Variants in EIF3H observed in about 807,000 individuals in gnomAD.
EIF3H encodes the protein eIF-3-gamma.
In EIF3H, 26 loss-of-function variants were observed where a neutral mutation model predicts 44.2. The ratio of observed to expected loss-of-function variants is 0.59; its 90% CI spans 0.43 to 0.82. EIF3H has a LOEUF of 0.82. Ranked by LOEUF, EIF3H falls within the 40% of genes least tolerant of loss-of-function variation. The probability of loss-of-function intolerance (pLI) is 0.00; values close to 1 mark genes in which losing one functional copy is unlikely to be tolerated. For missense variants in EIF3H, 359 were observed against 432.8 expected (o/e 0.83, Z 1.51); for synonymous variants, 166 against 151.9 (o/e 1.09, Z -0.68).
intron 1 of EIF3H, among the ~76,000 whole-genome samples, chr8:116,750,178 T>G (rs1563661915): frequency 6.6e-6 from 1 of 152,286 alleles, no homozygotes; most frequent in African/African-American, 2.4e-5. Flanking sequence ...CAATAAATAT[T>G]TGTTAAATGA....
intron 5 of EIF3H, among the ~76,000 whole-genome samples, chr8:116,654,394 T>C (rs1813453071): frequency 2.0e-5 from 3 of 152,342 alleles, no homozygotes; most frequent in Admixed American, 1.3e-4. Context: ...GATGTATTTC[T>C]TTTGTATGCT....
intron 1 of EIF3H, among the ~76,000 whole-genome samples, chr8:116,730,794 T>C (rs1372888790): frequency 1.3e-5 from 2 of 152,204 alleles, no homozygotes; most frequent in Non-Finnish European, 2.9e-5. Context: ...TATATTTTGC[T>C]GAAGGAATGA....
intron 2 of EIF3H, among the ~76,000 whole-genome samples, chr8:116,678,003 C>CCCACGGTCTCCTT (rs978881284): frequency 2.0e-5 from 3 of 152,212 alleles, no homozygotes; most frequent in African/African-American, 4.8e-5. Context: ...TCTCCCCCTT[C>CCCACGGTCTCCTT]CCACGGTCTC....
intron 4 of EIF3H, 137 bp from the exon 5 acceptor site, chr8:116,656,142 G>A: frequency 1.3e-5 from 9 of 675,624 alleles, no homozygotes; most frequent in Non-Finnish European, 1.6e-5. Context: ...AAAAAAAGTA[G>A]AGAAACTGGA....
At chr8:116,750,573 C>G (rs1271599083) in intron 1 of EIF3H, among the ~76,000 whole-genome samples, 1 of 152,000 alleles carries the variant, frequency 6.6e-6, no homozygotes, top group Non-Finnish European at 1.5e-5. Flanking sequence ...CCACGCCCGA[C>G]TAATTTTTTG....
Position 116,755,669 on chromosome 8 carries a change from G to A in EIF3H, c.129C>T (p.Gly43=). ...DSAVKQVQID[G]LVVLKIIKHY... is the part of the protein sequence containing the mutation. Reference sequence around the variant, plus strand: ...GAGGAAAAAGAACAGCACTCACAAGGCCATCTATCTGCACTTGCTTCACGG... The same window carrying A: ...GAGGAAAAAGAACAGCACTCACAAGACCATCTATCTGCACTTGCTTCACGG... The change falls in exon 1 of 8, where the codon GGC becomes GGT. Residue 43 remains glycine, a synonymous_variant. Coordinates refer to ENST00000521861, the MANE Select transcript of EIF3H (RefSeq NM_003756.3). 2 of 1,614,070 alleles carry A rather than the reference G, an allele frequency of 1.2e-6. No homozygotes were observed. The highest frequency in any genetic ancestry group is 1.7e-6 in the Non-Finnish European group (2 of 1,180,016).
At chr8:116,755,919 G>A, upstream of EIF3H, 1 of 1,543,752 alleles carries the variant, frequency 6.5e-7, no homozygotes, top group Non-Finnish European at 8.7e-7. Context: ...AGCCAAAATT[G>A]GGCCCCGCCT....
At chr8:116,709,846 G>T (rs1237157316) in intron 2 of EIF3H, among the ~76,000 whole-genome samples, 1 of 152,144 alleles carries the variant, frequency 6.6e-6, no homozygotes, top group Non-Finnish European at 1.5e-5. Context: ...ATAAGAAAAG[G>T]GTAGCGTGAT....
chr8:116,737,982 C>T (rs941574986), intron 1 of EIF3H, among the ~76,000 whole-genome samples: 1 of 149,314 alleles, frequency 6.7e-6, no homozygotes, highest in African/African-American at 2.5e-5. Flanking sequence ...TTGCAATGAG[C>T]CGAGATCGCA....
intron 2 of EIF3H, among the ~76,000 whole-genome samples, chr8:116,679,605 C>T (rs1291138027): frequency 2.3e-4 from 6 of 25,604 alleles, no homozygotes; most frequent in South Asian, 2.1e-3. Context: ...GCCCCCCGCC[C>T]GGCCAGCCGC....
chr8:116,760,985 T>C (rs890403478), intron 1 of EIF3H, among the ~76,000 whole-genome samples: 1 of 152,242 alleles, frequency 6.6e-6, no homozygotes, highest in Non-Finnish European at 1.5e-5. Flanking sequence ...ATTAATCTTC[T>C]AAAGTGCTTT....
chr8:116,740,615 T>A (rs7004009), intron 1 of EIF3H, among the ~76,000 whole-genome samples: 67,267 of 151,908 alleles, frequency 0.44, 18,740 homozygotes, highest in Non-Finnish European at 0.62. Flanking sequence ...CTCACTGCTG[T>A]CTTCTACTTG....
At chr8:116,651,726 C>T (rs1813397064) in intron 5 of EIF3H, among the ~76,000 whole-genome samples, 1 of 151,984 alleles carries the variant, frequency 6.6e-6, no homozygotes. Context: ...TCTGTTTTAC[C>T]CTAATTTCTA....
At chr8:116,646,378 T>C (rs1813298914) in intron 7 of EIF3H, 93 bp downstream of exon 7, 1 of 1,566,964 alleles carries the variant, frequency 6.4e-7, no homozygotes, top group Admixed American at 1.7e-5. Context: ...TACTAGCTTT[T>C]ACGGCATGCT....
At chr8:116,714,832 C>A (rs1047715189) in intron 2 of EIF3H, among the ~76,000 whole-genome samples, 1 of 151,986 alleles carries the variant, frequency 6.6e-6, no homozygotes, top group Non-Finnish European at 1.5e-5. Context: ...CACAAAATGT[C>A]CCCATCTGTC....
At chr8:116,733,144 T>C (rs1814979757) in intron 1 of EIF3H, among the ~76,000 whole-genome samples, 1 of 152,138 alleles carries the variant, frequency 6.6e-6, no homozygotes, top group Admixed American at 6.5e-5. Flanking sequence ...CTTACATTTA[T>C]CACTTTATTA....
At chr8:116,710,729 T>C (rs1186692778) in intron 2 of EIF3H, among the ~76,000 whole-genome samples, 1 of 152,244 alleles carries the variant, frequency 6.6e-6, no homozygotes, top group Non-Finnish European at 1.5e-5. Context: ...TAAATTGTGA[T>C]GGATTATATA....
intron 1 of EIF3H, among the ~76,000 whole-genome samples, chr8:116,752,413 C>G (rs1421185720): frequency 6.6e-6 from 1 of 151,918 alleles, no homozygotes; most frequent in Non-Finnish European, 1.5e-5. Flanking sequence ...TGAGTGTTTA[C>G]GATGACACAG....
chr8:116,707,280 CT>C (rs1814487536), intron 2 of EIF3H, among the ~76,000 whole-genome samples: 1 of 152,124 alleles, frequency 6.6e-6, no homozygotes, highest in Non-Finnish European at 1.5e-5. Flanking sequence ...AATGAATGTA[CT>C]TTTTAAATGG....
Sources: allele counts gnomAD v4.1 joint callset (sites outside exome capture counted in the v4.1 genomes callset), GRCh38; gene constraint gnomAD v4.1.1; transcripts MANE v1.5; gene names NCBI Gene and HGNC (gene_info 2026-07-23, HGNC 2026-07-21).